Variants in CTSB observed in about 807,000 individuals in gnomAD.
CTSB encodes cathepsin B, also known as APP secretase.
CTSB carries 57 observed loss-of-function variants against 44.3 expected under a neutral mutation model. The observed-to-expected ratio is 1.29, with a 90% CI of 1.04 to 1.60. CTSB has a LOEUF of 1.60. CTSB is among the 40% of genes most tolerant of loss of function. The pLI, the probability that CTSB is intolerant of heterozygous loss-of-function variation, is 0.00. For missense variants in CTSB, 768 were observed against 443.0 expected, an observed-to-expected ratio of 1.73 and a Z score of -6.59; for synonymous variants, 320 against 168.0, an observed-to-expected ratio of 1.91 and a Z score of -7.00.
At chr8:11,863,100 C>A (rs1287810552) in intron 1 of CTSB, among the ~76,000 whole-genome samples, 1 of 152,116 alleles carries the variant, frequency 6.6e-6, no homozygotes, top group Non-Finnish European at 1.5e-5. Context: ...ATTGACTGAA[C>A]CCAGGAGATT....
At chr8:11,857,996 G>C (rs1215793600) in intron 1 of CTSB, 5 of 152,262 alleles carry the variant, frequency 3.3e-5, no homozygotes, top group Non-Finnish European at 7.3e-5. Context: ...CCTGCATTTG[G>C]ATCTGGCTCT....
At position 11,845,136 on chromosome 8, in the gene CTSB, C is replaced by T; in HGVS notation, c.1009G>A (p.Glu337Lys). ...AGIPRTDQYW[E>K]KI is the part of the protein sequence containing the mutation. ...AGGCCCACGGCAGATTAGATCTTTT[C>T]CCAGTACTGATCGGTGCGTGGAATT... Residue 337 changes from glutamate to lysine, a missense_variant, in exon 10 of 10, where the codon GAA (glutamate) becomes AAA (lysine). Coordinates refer to ENST00000353047, the MANE Select transcript of CTSB (RefSeq NM_001908.5). 2 of 1,612,750 alleles carry T rather than the reference C, an allele frequency of 1.2e-6. No individual in the cohort carries two copies. Among genetic ancestry groups the T allele is most frequent in the Admixed American group, 1.7e-5 (1 of 60,006 alleles).
chr8:11,862,071 G>A (rs1489766895), intron 1 of CTSB, among the ~76,000 whole-genome samples: 3 of 152,164 alleles, frequency 2.0e-5, no homozygotes, highest in African/African-American at 4.8e-5. Context: ...GCCAGGCATG[G>A]TGGCAGGCGC....
At chr8:11,867,225 A>G (rs1360605436) in intron 1 of CTSB, 1 of 152,066 alleles carries the variant, frequency 6.6e-6, no homozygotes, top group African/African-American at 2.4e-5. Context: ...CCCAGAGGCC[A>G]ACTCCCCCCG....
At chr8:11,856,779 A>C (rs1387769452) in intron 1 of CTSB, among the ~76,000 whole-genome samples, 1 of 152,024 alleles carries the variant, frequency 6.6e-6, no homozygotes, top group African/African-American at 2.4e-5. Flanking sequence ...ACTACATGCA[A>C]AATGCCAAGG....
chr8:11,864,850 T>A (rs1040879557), intron 1 of CTSB, among the ~76,000 whole-genome samples: 1 of 151,418 alleles, frequency 6.6e-6, no homozygotes, highest in Non-Finnish European at 1.5e-5. Flanking sequence ...GGAGGTGAGG[T>A]TGCAGTGAGC....
At chr8:11,848,418 A>G in intron 5 of CTSB, 2 of 590,190 alleles carry the variant, frequency 3.4e-6, no homozygotes. Flanking sequence ...ATACCAGACC[A>G]GGCTACGAGT....
At chr8:11,854,482 G>C (rs1280567980) in intron 1 of CTSB, among the ~76,000 whole-genome samples, 1 of 150,812 alleles carries the variant, frequency 6.6e-6, no homozygotes, top group Non-Finnish European at 1.5e-5. Flanking sequence ...GATGGCTCTG[G>C]AAAAAAGCTT....
At chr8:11,857,106 C>T (rs1435029964) in intron 1 of CTSB, among the ~76,000 whole-genome samples, 2 of 152,156 alleles carry the variant, frequency 1.3e-5, no homozygotes, top group African/African-American at 2.4e-5. Flanking sequence ...TCACTGAAAC[C>T]TCTACCTCCC....
chr8:11,847,837 G>A lies in CTSB; in HGVS notation c.533-15C>T, dbSNP rs775406204. The A allele has an allele frequency of 1.3e-6, 2 of 1,571,076 alleles. No homozygotes were observed. The highest frequency in any genetic ancestry group is 1.7e-6 in the Non-Finnish European group (2 of 1,165,300). ...CGGTCTGCACCCTGATGGGACGCGG[G>A]AGAAAGCGGAGTCAACCTACAGCCC... On this transcript the variant is annotated splice_polypyrimidine_tract_variant and intron_variant, in intron 6 of 9. Transcript: ENST00000353047.
intron 4 of CTSB, chr8:11,850,648 A>G: frequency 2.3e-6 from 1 of 426,358 alleles, no homozygotes; most frequent in Non-Finnish European, 4.3e-6. Context: ...GTACACGTGG[A>G]CTTGCAATCT....
At position 11,856,002 on chromosome 8, in the gene CTSB, T is replaced by A. The variant is rs890291253; in HGVS notation, c.-25-2523A>T. ...AAGATTTCACCACTGCATTCCTGCC[T>A]GGGTGACAGTGAGACTCTGCCTCAA... On this transcript the variant is annotated intron_variant, in intron 1 of 9. Coordinates refer to ENST00000353047, the MANE Select transcript of CTSB (RefSeq NM_001908.5). Among the ~76,000 whole-genome samples the A allele has an allele frequency of 2.6e-5, 4 of 152,116 alleles. No homozygotes were observed. The East Asian group carries it at 7.7e-4, about 29-fold the overall frequency.
intron 1 of CTSB, among the ~76,000 whole-genome samples, chr8:11,861,966 G>A (rs978662445): frequency 6.6e-6 from 1 of 152,190 alleles, no homozygotes; most frequent in African/African-American, 2.4e-5. Context: ...CCAGTACTTT[G>A]GGAGGCTGAG....
intron 1 of CTSB, among the ~76,000 whole-genome samples, chr8:11,866,505 G>A (rs1352547977): frequency 2.0e-5 from 3 of 152,248 alleles, no homozygotes; most frequent in Non-Finnish European, 4.4e-5. Context: ...CTGTCTTTGG[G>A]AAAGCTACAC....
intron 5 of CTSB, 46 bp downstream of exon 5, chr8:11,849,000 G>C (rs1264060932): frequency 7.1e-7 from 1 of 1,418,074 alleles, no homozygotes; most frequent in South Asian, 1.2e-5. Flanking sequence ...CTGGGGCCCA[G>C]GGTCTCTCAG....
At chr8:11,853,260 A>G in intron 2 of CTSB, 69 bp downstream of exon 2, 2 of 1,580,058 alleles carry the variant, frequency 1.3e-6, no homozygotes, top group African/African-American at 1.3e-5. Flanking sequence ...CTGGCTTCCC[A>G]TTCCTGGAGT....
Position 11,843,890 on chromosome 8 carries a change from G to A in CTSB, c.*1235C>T, listed in dbSNP as rs545794527. Reference sequence around the variant, plus strand: ...TACTTAAAAATACAAAAATTACCCAGGCATATTGGTGAGTGCCTGTCATCC... The same window carrying A: ...TACTTAAAAATACAAAAATTACCCAAGCATATTGGTGAGTGCCTGTCATCC... On this transcript the variant is annotated 3_prime_UTR_variant, in exon 10 of 10. Transcript: ENST00000353047. 6.6e-6 allele frequency: 1 copy of A among 152,170 alleles called. No homozygotes were observed. Among genetic ancestry groups the A allele is most frequent in the Non-Finnish European group, 1.5e-5 (1 of 68,038 alleles). The allele number at this position is 152,170 out of a possible 1,614,324, so 9.4% of individuals were successfully genotyped here.
In CTSB at chr8:11,844,875, C is replaced by G. The variant is rs970044839; in HGVS notation, c.*250G>C. 1.8e-5 allele frequency: 9 copies of G among 494,054 alleles called. No individual in the cohort carries two copies. The highest frequency in any genetic ancestry group is 1.7e-4 in the African/African-American group (9 of 52,202). 30.6% of individuals were successfully genotyped at this position (494,054 alleles called of 1,614,324 possible). ...ACAGTCAGCTGGGGCAGCAGGTACTCCCTACGGCACTAGTCTACAGGGGGA... is the reference window on the plus strand; with the variant it reads ...ACAGTCAGCTGGGGCAGCAGGTACTGCCTACGGCACTAGTCTACAGGGGGA... On this transcript the variant is annotated 3_prime_UTR_variant, in exon 10 of 10. Coordinates refer to ENST00000353047, the MANE Select transcript of CTSB (RefSeq NM_001908.5).
At chr8:11,847,569 T>A (rs1813636248) in intron 7 of CTSB, 110 bp downstream of exon 7, 10 of 1,234,638 alleles carry the variant, frequency 8.1e-6, no homozygotes, top group African/African-American at 3.1e-5. Flanking sequence ...TATCCTAGAG[T>A]TCCGGGACCC....
Sources: gnomAD v4.1 joint callset for allele counts (sites outside exome capture counted in the v4.1 genomes callset) on GRCh38, gnomAD v4.1.1 for gene constraint, MANE v1.5 for transcripts, NCBI Gene and HGNC (gene_info 2026-07-23, HGNC 2026-07-21) for gene names.